The following TSPAN15 variants were observed in gnomAD, a reference collection of about 807,000 sequenced individuals.
The protein encoded by TSPAN15 is tetraspanin 15, also known as tetraspanin-15.
A neutral mutation model predicts 34.5 loss-of-function variants in TSPAN15; 20 were observed. The observed-to-expected ratio is 0.58, with a 90% CI of 0.41 to 0.84. TSPAN15 has a LOEUF of 0.84. Ranked by LOEUF, TSPAN15 falls within the 40% of genes least tolerant of loss-of-function variation. The pLI, the probability that TSPAN15 is intolerant of heterozygous loss-of-function variation, is 0.00. For missense variants in TSPAN15, 313 were observed against 386.1 expected, an observed-to-expected ratio of 0.81 and a Z score of 1.59; for synonymous variants, 155 against 153.9, an observed-to-expected ratio of 1.01 and a Z score of -0.05.
chr10:69,536,755 C>T, the TSPAN15 span, among the ~76,000 whole-genome samples: 50 of 152,184 alleles, frequency 3.3e-4, no homozygotes, highest in South Asian at 8.9e-3. Flanking sequence ...GAGGACGAGG[C>T]GGGTGGATCA....
the TSPAN15 span, among the ~76,000 whole-genome samples, chr10:69,547,228 T>G: frequency 2.2e-4 from 33 of 152,056 alleles, no homozygotes; most frequent in Admixed American, 6.5e-4. Flanking sequence ...GTGCCATCCC[T>G]TAACAAAACT....
intron 4 of TSPAN15, among the ~76,000 whole-genome samples, chr10:69,496,727 T>G (rs888746482): frequency 6.6e-6 from 1 of 152,196 alleles, no homozygotes; most frequent in African/African-American, 2.4e-5. Flanking sequence ...TCTCCCCACA[T>G]GCAGGGCCAC....
chr10:69,470,422 G>A (rs1841479932), intron 1 of TSPAN15, among the ~76,000 whole-genome samples: 1 of 152,194 alleles, frequency 6.6e-6, no homozygotes, highest in South Asian at 2.1e-4. Context: ...AGACTCCCCT[G>A]CTTAAATTAT....
At chr10:69,462,155 G>GTTTTTTTT (rs755068937) in intron 1 of TSPAN15, among the ~76,000 whole-genome samples, 2 of 82,712 alleles carry the variant, frequency 2.4e-5, no homozygotes, top group African/African-American at 4.5e-5. Context: ...TAATTTTAAA[G>GTTTTTTTT]TTTTTTTTTT....
At chr10:69,544,231 C>T in the TSPAN15 span, among the ~76,000 whole-genome samples, 2 of 152,162 alleles carry the variant, frequency 1.3e-5, no homozygotes, top group Non-Finnish European at 2.9e-5. Context: ...CTTTTTGAAA[C>T]ATTTATTTAA....
At chr10:69,536,282 C>G in the TSPAN15 span, among the ~76,000 whole-genome samples, 1 of 152,158 alleles carries the variant, frequency 6.6e-6, no homozygotes, top group East Asian at 1.9e-4. Context: ...TCTGATCTGG[C>G]ATTTGACCAG....
chr10:69,527,049 G>T, the TSPAN15 span, among the ~76,000 whole-genome samples: 2 of 147,838 alleles, frequency 1.4e-5, no homozygotes, highest in African/African-American at 4.9e-5. Context: ...ATTATTCATG[G>T]TGATCAAAAA....
intron 3 of TSPAN15, chr10:69,494,768 C>T: frequency 1.0e-6 from 1 of 985,424 alleles, no homozygotes; most frequent in Non-Finnish European, 1.2e-6. Flanking sequence ...CCCCCTTCGT[C>T]CCCAGTCTCT....
chr10:69,463,808 CAAA>C (rs56064605), intron 1 of TSPAN15, among the ~76,000 whole-genome samples: 2 of 116,952 alleles, frequency 1.7e-5, no homozygotes, highest in African/African-American at 6.4e-5. Context: ...GACTCCGTCT[CAAA>C]AAAAAAAAAA....
At chr10:69,532,281 A>G in the TSPAN15 span, among the ~76,000 whole-genome samples, 1 of 152,226 alleles carries the variant, frequency 6.6e-6, no homozygotes, top group Non-Finnish European at 1.5e-5. Flanking sequence ...TTCAAACTAT[A>G]CTATAAGGCC....
intron 1 of TSPAN15, among the ~76,000 whole-genome samples, chr10:69,454,667 A>G (rs1841045060): frequency 6.6e-6 from 1 of 152,110 alleles, no homozygotes; most frequent in African/African-American, 2.4e-5. Context: ...AAATACAAAA[A>G]TTAGCTGGGC....
the TSPAN15 span, among the ~76,000 whole-genome samples, chr10:69,515,271 C>T: frequency 5.3e-5 from 8 of 152,324 alleles, no homozygotes; most frequent in East Asian, 1.5e-3. Context: ...TATCCACAAT[C>T]CCTTGTTGAC....
rs930957633 is a variant in TSPAN15, at chr10:69,495,056, A to C, written c.358-538A>C. On this transcript the variant is annotated intron_variant, in intron 3 of 7. Coordinates refer to ENST00000373290, the MANE Select transcript of TSPAN15 (RefSeq NM_012339.5). The stretch of plus-strand genomic sequence containing the variant: ...AGGGAGGTCAGGAGACCTGAATTCC[A>C]GTCCTGGCAAGACCCCACCCAGCCT... 4.2e-5 allele frequency: 8 copies of C among 190,448 alleles called. No individual in the cohort carries two copies. The Admixed American group carries it at 5.1e-4, about 12-fold the overall frequency. 11.8% of individuals were successfully genotyped at this position (190,448 alleles called of 1,614,324 possible).
intron 3 of TSPAN15, among the ~76,000 whole-genome samples, chr10:69,493,054 G>C (rs904383527): frequency 1.3e-5 from 2 of 152,162 alleles, no homozygotes; most frequent in Non-Finnish European, 2.9e-5. Flanking sequence ...GCCCCACCCT[G>C]GGTGGCAGAC....
At chr10:69,542,959 A>G in the TSPAN15 span, among the ~76,000 whole-genome samples, 1 of 152,140 alleles carries the variant, frequency 6.6e-6, no homozygotes, top group Admixed American at 6.5e-5. Flanking sequence ...CAAGTATTCA[A>G]CCTCTCTGGA....
At chr10:69,515,265 C>T in the TSPAN15 span, among the ~76,000 whole-genome samples, 1 of 152,280 alleles carries the variant, frequency 6.6e-6, no homozygotes, top group East Asian at 1.9e-4. Context: ...CTTTTCTATC[C>T]ACAATCCCTT....
chr10:69,534,682 T>C, the TSPAN15 span, among the ~76,000 whole-genome samples: 1 of 152,174 alleles, frequency 6.6e-6, no homozygotes, highest in East Asian at 1.9e-4. Context: ...AGATGTTAAA[T>C]AGAAACTCTA....
At chr10:69,475,514 TC>T in intron 1 of TSPAN15, among the ~76,000 whole-genome samples, 1 of 152,168 alleles carries the variant, frequency 6.6e-6, no homozygotes, top group South Asian at 2.1e-4. Context: ...CCCAAACTCT[TC>T]CCCAAAACAG....
the TSPAN15 span, among the ~76,000 whole-genome samples, chr10:69,514,589 T>A: frequency 6.6e-6 from 1 of 152,232 alleles, no homozygotes; most frequent in Non-Finnish European, 1.5e-5. Flanking sequence ...TTCAAGGAAT[T>A]TGATAATTTC....
Sources: allele counts gnomAD v4.1 joint callset (sites outside exome capture counted in the v4.1 genomes callset), GRCh38; gene constraint gnomAD v4.1.1; transcripts MANE v1.5; gene names NCBI Gene and HGNC (gene_info 2026-07-23, HGNC 2026-07-21).